The following CAMK2B variants were observed in gnomAD, a reference collection of about 807,000 sequenced individuals.
The protein encoded by CAMK2B is calcium/calmodulin dependent protein kinase II beta, also known as calcium/calmodulin-dependent protein kinase type II subunit beta.
A neutral mutation model predicts 93.7 loss-of-function variants in CAMK2B; 27 were observed. That is an observed-to-expected ratio of 0.29 (90% CI 0.21 to 0.40). The LOEUF (loss-of-function observed/expected upper bound fraction) is 0.40. CAMK2B is among the 10% of genes least tolerant of loss of function. The probability of loss-of-function intolerance (pLI) is 1.00; values close to 1 mark genes in which losing one functional copy is unlikely to be tolerated. For synonymous variants in CAMK2B, 374 were observed against 358.8 expected, an observed-to-expected ratio of 1.04 and a Z score of -0.48; for missense variants, 568 against 895.8, an observed-to-expected ratio of 0.63 and a Z score of 4.67.
At chr7:44,228,397 T>G (rs1038267297) in intron 19 of CAMK2B, among the ~76,000 whole-genome samples, 1 of 152,034 alleles carries the variant, frequency 6.6e-6, no homozygotes, top group Admixed American at 6.5e-5. Context: ...GTGCAGCTCC[T>G]GGGCACCATG....
chr7:44,227,946 G>T (rs965330994), intron 19 of CAMK2B, among the ~76,000 whole-genome samples: 1 of 135,640 alleles, frequency 7.4e-6, no homozygotes, highest in Admixed American at 7.4e-5. Flanking sequence ...GACCGAGGGG[G>T]ATATGGGGGG....
chr7:44,244,829 G>C (rs1034644600), intron 6 of CAMK2B: 4 of 418,714 alleles, frequency 9.6e-6, no homozygotes, highest in Admixed American at 7.8e-5. Context: ...GGCGGGATGA[G>C]GCCGTGTGCC....
intron 5 of CAMK2B, among the ~76,000 whole-genome samples, chr7:44,247,803 G>T (rs537124048): frequency 6.6e-6 from 1 of 152,208 alleles, no homozygotes; most frequent in South Asian, 2.1e-4. Flanking sequence ...CAAGGTGGGC[G>T]GATCACCTGA....
chr7:44,262,932 A>G (rs909451268), intron 3 of CAMK2B, 73 bp downstream of exon 3: 52 of 1,323,736 alleles, frequency 3.9e-5, no homozygotes, highest in Non-Finnish European at 5.4e-5. Context: ...AAAGTCTGAT[A>G]GAGAAACCGG....
chr7:44,266,958 C>T (rs988522981), intron 2 of CAMK2B: 9 of 152,264 alleles, frequency 5.9e-5, no homozygotes, highest in African/African-American at 1.9e-4. Context: ...ATCCCCTCTC[C>T]CCGTCGGCCA....
intron 1 of CAMK2B, among the ~76,000 whole-genome samples, chr7:44,289,560 C>T (rs1220937848): frequency 6.6e-6 from 1 of 152,210 alleles, no homozygotes; most frequent in Admixed American, 6.5e-5. Flanking sequence ...CGTGTGGTCA[C>T]GCAGACCTTG....
intron 17 of CAMK2B, among the ~76,000 whole-genome samples, chr7:44,230,786 A>C (rs1275769096): frequency 6.6e-6 from 1 of 152,102 alleles, no homozygotes; most frequent in Non-Finnish European, 1.5e-5. Context: ...GGTGACCGAG[A>C]CTGCCCAGCT....
chr7:44,325,437 G>T lies in CAMK2B; in HGVS notation c.-16C>A. The T allele has an allele frequency of 1.8e-6, 2 of 1,115,046 alleles. No individual in the cohort carries two copies. Among genetic ancestry groups the T allele is most frequent in the Non-Finnish European group, 2.2e-6 (2 of 898,356 alleles). 69.1% of individuals were successfully genotyped at this position (1,115,046 alleles called of 1,614,324 possible). On this transcript the variant is annotated 5_prime_UTR_variant, in exon 1 of 24. Coordinates refer to ENST00000395749, the MANE Select transcript of CAMK2B (RefSeq NM_001220.5). ...TGGTGGCCATGGCGGCGGCGGACGG[G>T]CTCGGCGTGCGCTCGGCTGCGCTCG...
At chr7:44,254,419 T>G in intron 5 of CAMK2B, 123 bp downstream of exon 5, 1 of 733,844 alleles carries the variant, frequency 1.4e-6, no homozygotes, top group South Asian at 1.6e-5. Context: ...CGCTCTGGGG[T>G]GTGGGTGAGC....
chr7:44,259,535 T>C (rs2096862238), intron 3 of CAMK2B: 1 of 154,346 alleles, frequency 6.5e-6, no homozygotes, highest in South Asian at 2.0e-4. Flanking sequence ...GTCAGCAGGA[T>C]GGACCACCAT....
At chr7:44,231,188 T>G in intron 16 of CAMK2B, 134 bp from the exon 17 acceptor site, 1 of 710,332 alleles carries the variant, frequency 1.4e-6, no homozygotes, top group Non-Finnish European at 2.3e-6. Flanking sequence ...CTCGGCTGCT[T>G]CCACGGGGCT....
At chr7:44,269,541 CT>C (rs1277444759) in intron 2 of CAMK2B, among the ~76,000 whole-genome samples, 1 of 152,138 alleles carries the variant, frequency 6.6e-6, no homozygotes, top group Non-Finnish European at 1.5e-5. Context: ...CAGTGGGTGA[CT>C]CACAGCAGGG....
intron 5 of CAMK2B, among the ~76,000 whole-genome samples, chr7:44,253,495 G>A (rs2096800123): frequency 6.6e-6 from 1 of 152,216 alleles, no homozygotes; most frequent in African/African-American, 2.4e-5. Context: ...TTACACGTGT[G>A]AGCCACCACG....
Position 44,291,145 on chromosome 7 carries a change from G to A in CAMK2B, c.66-6920C>T, listed in dbSNP as rs138710902. ...GACAGTTGCATACTTCTTTGCTCAT[G>A]GATACTGTCCTGTGGATGCCTGCTT... On this transcript the variant is annotated intron_variant, in intron 1 of 23. Coordinates refer to ENST00000395749, the MANE Select transcript of CAMK2B (RefSeq NM_001220.5). Among the ~76,000 whole-genome samples, 19 of 152,316 alleles carry A rather than the reference G, an allele frequency of 1.2e-4. No individual in the cohort carries two copies. The East Asian group carries it at 3.5e-3, about 28-fold the overall frequency.
rs189723268 is a variant in CAMK2B at position 44,287,512 on chromosome 7, G to A, written c.66-3287C>T. On this transcript the variant is annotated intron_variant, in intron 1 of 23. Coordinates refer to ENST00000395749, the MANE Select transcript of CAMK2B (RefSeq NM_001220.5). ...GCCAGACGGCAATCTGTCACGGGAA[G>A]CCCCCTTGGAAGTGTCAGCCCTCTT... is the stretch of plus-strand genomic sequence containing the variant. 4.8e-3 allele frequency among the ~76,000 whole-genome samples: 728 copies of A among 152,304 alleles called. 4 individuals are homozygous for A. Among genetic ancestry groups the A allele is most frequent in the South Asian group, 8.9e-3 (43 of 4,822 alleles).
rs1311752572 is a variant in CAMK2B, at chr7:44,247,283, TG to T, written c.342-92del. The T allele has an allele frequency of 2.7e-5, 29 of 1,069,846 alleles. No homozygotes were observed. The East Asian group carries it at 3.5e-4, about 13-fold the overall frequency. 66.3% of individuals were successfully genotyped at this position (1,069,846 alleles called of 1,614,324 possible). On this transcript the variant is annotated intron_variant, in intron 5 of 23. Transcript: ENST00000395749. The stretch of plus-strand genomic sequence containing the variant: ...GCAGGGGCAATGGTGCTGTGTGGCC[TG>T]GGGGGACCAGGGGGACAAAGCAAGT...
chr7:44,221,417 C>A (rs944033508), intron 20 of CAMK2B, among the ~76,000 whole-genome samples: 1 of 152,252 alleles, frequency 6.6e-6, no homozygotes, highest in Non-Finnish European at 1.5e-5. Flanking sequence ...GGCGAGAAGG[C>A]AGAGACCTGC....
chr7:44,278,533 G>A (rs531319861), intron 2 of CAMK2B, among the ~76,000 whole-genome samples: 1 of 152,264 alleles, frequency 6.6e-6, no homozygotes, highest in African/African-American at 2.4e-5. Flanking sequence ...CAAAGGGCCT[G>A]GGAGGGTTGG....
At position 44,228,861 on chromosome 7, in the gene CAMK2B, C is replaced by T. The variant is rs770390072; in HGVS notation, c.1403G>A (p.Gly468Asp). 1 of 1,522,676 alleles carries T rather than the reference C, an allele frequency of 6.6e-7. No individual in the cohort carries two copies. The highest frequency in any genetic ancestry group is 8.9e-7 in the Non-Finnish European group (1 of 1,128,006). The allele number at this position is 1,522,676 out of a possible 1,614,324, so 94.3% of individuals were successfully genotyped here. A position where few individuals can be genotyped will look rare whatever the true frequency, so the allele number is the denominator to read the frequency against. Residue 468 changes from glycine to aspartate, a missense_variant, in exon 19 of 24, where the codon GGC (glycine) becomes GAC (aspartate). Transcript: ENST00000395749. ...RRGSGTPEAE[G>D]PLSAGPPPCL... The stretch of plus-strand genomic sequence containing the variant: ...GGGCGGGGGCCCCGCTGAGAGGGGG[C>T]CCTCGGCTTCTGGGGTTCCTGAACC...
Sources: gnomAD v4.1 joint callset for allele counts (sites outside exome capture counted in the v4.1 genomes callset) on GRCh38, gnomAD v4.1.1 for gene constraint, MANE v1.5 for transcripts, NCBI Gene and HGNC (gene_info 2026-07-23, HGNC 2026-07-21) for gene names.